The following EPB41L2 variants were observed in gnomAD, a reference collection of about 807,000 sequenced individuals.
EPB41L2 encodes the protein band 4.1-like protein 2.
Under a neutral mutation model 113.0 loss-of-function variants are expected in EPB41L2, and 43 were observed. That is an observed-to-expected ratio of 0.38 (90% CI 0.30 to 0.49). EPB41L2 has a LOEUF of 0.49. EPB41L2 is among the 20% of genes least tolerant of loss of function. The pLI, the probability that EPB41L2 is intolerant of heterozygous loss-of-function variation, is 0.95. For missense variants in EPB41L2, 1,147 were observed against 1,223.4 expected, an observed-to-expected ratio of 0.94 and a Z score of 0.93; for synonymous variants, 442 against 436.7, an observed-to-expected ratio of 1.01 and a Z score of -0.15.
chr6:130,862,565 T>C (rs1007279103), intron 18 of EPB41L2, among the ~76,000 whole-genome samples: 10 of 152,310 alleles, frequency 6.6e-5, no homozygotes, highest in Non-Finnish European at 1.5e-4. Context: ...AGCAGACAAG[T>C]GTACTAATGC....
rs77348286 is a variant in EPB41L2 at position 130,892,452 on chromosome 6, T to C, written c.1487+1892A>G. On this transcript the variant is annotated intron_variant, in intron 10 of 19. Transcript: ENST00000337057. The stretch of plus-strand genomic sequence containing the variant: ...TTATGTGACAGGGAAAGCTGTTGTC[T>C]GCCCAGCTTGGACCTGTGTCATAAA... Among the ~76,000 whole-genome samples, 625 of 140,858 alleles carry C rather than the reference T, an allele frequency of 4.4e-3. 40 individuals are homozygous for C. In the East Asian group the frequency reaches 0.1, roughly 23 times the overall value. The allele number at this position is 140,858 out of a possible 152,430, so 92.4% of individuals were successfully genotyped here.
At chr6:131,046,319 G>C (rs1795453106) in intron 1 of EPB41L2, among the ~76,000 whole-genome samples, 1 of 152,008 alleles carries the variant, frequency 6.6e-6, no homozygotes, top group African/African-American at 2.4e-5. Flanking sequence ...CAGGGTACCT[G>C]AACCACCTAA....
chr6:130,886,922 C>T (rs891815886), intron 11 of EPB41L2, among the ~76,000 whole-genome samples: 16 of 152,000 alleles, frequency 1.1e-4, no homozygotes, highest in African/African-American at 3.4e-4. Flanking sequence ...TGTGAGCCAC[C>T]GTGCCCAGCC....
chr6:130,926,541 A>T, intron 4 of EPB41L2, 64 bp downstream of exon 4: 1 of 1,185,948 alleles, frequency 8.4e-7, no homozygotes, highest in Non-Finnish European at 1.2e-6. Flanking sequence ...AAACTGAGAT[A>T]AACTGGTTAA....
chr6:131,002,822 T>C (rs1208191536), intron 1 of EPB41L2, among the ~76,000 whole-genome samples: 1 of 152,202 alleles, frequency 6.6e-6, no homozygotes, highest in East Asian at 1.9e-4. Flanking sequence ...CAGCTGTGTT[T>C]GGGTGGTCTC....
intron 14 of EPB41L2, among the ~76,000 whole-genome samples, chr6:130,873,850 A>C (rs545351657): frequency 6.6e-6 from 1 of 152,212 alleles, no homozygotes; most frequent in Non-Finnish European, 1.5e-5. Flanking sequence ...AGGAGCGCAG[A>C]AAGTGAGGTG....
intron 3 of EPB41L2, among the ~76,000 whole-genome samples, chr6:130,954,712 T>C (rs1304606833): frequency 6.6e-6 from 1 of 152,186 alleles, no homozygotes; most frequent in Non-Finnish European, 1.5e-5. Flanking sequence ...GTAAATAAAT[T>C]AGATGTTAAG....
At chr6:131,025,341 C>T (rs1388376759) in intron 1 of EPB41L2, among the ~76,000 whole-genome samples, 1 of 152,164 alleles carries the variant, frequency 6.6e-6, no homozygotes, top group East Asian at 1.9e-4. Context: ...AAACCAACAT[C>T]CTAAGGAACT....
intron 1 of EPB41L2, among the ~76,000 whole-genome samples, chr6:131,003,768 T>C (rs1194592528): frequency 1.3e-5 from 2 of 152,372 alleles, no homozygotes; most frequent in East Asian, 3.9e-4. Context: ...CCAGTAGTAC[T>C]TAAACATTTT....
At chr6:130,997,446 G>A (rs1470269300) in intron 1 of EPB41L2, among the ~76,000 whole-genome samples, 3 of 152,104 alleles carry the variant, frequency 2.0e-5, no homozygotes, top group Non-Finnish European at 4.4e-5. Context: ...CTAAGTGCAG[G>A]GGGGATCTAC....
chr6:131,026,976 C>A (rs762983069), intron 1 of EPB41L2, among the ~76,000 whole-genome samples: 1 of 152,132 alleles, frequency 6.6e-6, no homozygotes, highest in South Asian at 2.1e-4. Context: ...TGTTACTGGT[C>A]TAAAACTTAC....
At chr6:130,941,391 C>T (rs1810843290) in intron 3 of EPB41L2, among the ~76,000 whole-genome samples, 1 of 152,204 alleles carries the variant, frequency 6.6e-6, no homozygotes, top group Non-Finnish European at 1.5e-5. Context: ...TAGTATCGAA[C>T]TTCTAGCCAG....
intron 1 of EPB41L2, among the ~76,000 whole-genome samples, chr6:130,974,472 G>A (rs775016270): frequency 5.3e-5 from 8 of 152,102 alleles, no homozygotes; most frequent in Non-Finnish European, 7.3e-5. Flanking sequence ...CAGGAGACCT[G>A]TGAATCTCAT....
At chr6:130,982,472 T>A (rs1275418668) in intron 1 of EPB41L2, among the ~76,000 whole-genome samples, 1 of 152,178 alleles carries the variant, frequency 6.6e-6, no homozygotes, top group East Asian at 1.9e-4. Flanking sequence ...TTCTGTTACC[T>A]TTTTGACAGC....
At chr6:130,907,591 C>T (rs1278007367) in intron 5 of EPB41L2, among the ~76,000 whole-genome samples, 1 of 151,300 alleles carries the variant, frequency 6.6e-6, no homozygotes, top group Non-Finnish European at 1.5e-5. Context: ...TAATCAAAGA[C>T]GTTTTTAAAA....
At chr6:130,911,946 A>C (rs374898151) in intron 4 of EPB41L2, among the ~76,000 whole-genome samples, 3 of 152,140 alleles carry the variant, frequency 2.0e-5, no homozygotes, top group African/African-American at 7.2e-5. Flanking sequence ...GCCTATTAGG[A>C]ACTGGGCTGC....
intron 1 of EPB41L2, among the ~76,000 whole-genome samples, chr6:130,984,280 TAGA>T (rs1206912505): frequency 2.0e-5 from 3 of 152,202 alleles, no homozygotes; most frequent in Non-Finnish European, 4.4e-5. Context: ...TTTTTGTAAG[TAGA>T]AGAAGTATAC....
In EPB41L2 at chr6:130,873,469, T is replaced by TC. The variant is rs1195699340; in HGVS notation, c.2044-3344_2044-3343insG. Among the ~76,000 whole-genome samples, 92 of 151,402 alleles carry TC rather than the reference T, an allele frequency of 6.1e-4. 2 individuals carry two copies. The highest frequency in any genetic ancestry group is 2.1e-3 in the African/African-American group (86 of 41,302). On this transcript the variant is annotated intron_variant, in intron 14 of 19. Coordinates refer to ENST00000337057, the MANE Select transcript of EPB41L2 (RefSeq NM_001431.4). ...CCTAATAAACCCCACTATTCAGGTT[T>TC]TTTTTTTTTTTTGAGACGGAGTCTC... is the stretch of plus-strand genomic sequence containing the variant.
chr6:131,012,338 C>G (rs770167876), intron 1 of EPB41L2, among the ~76,000 whole-genome samples: 1 of 150,198 alleles, frequency 6.7e-6, no homozygotes, highest in East Asian at 1.9e-4. Flanking sequence ...TCAACCTCCG[C>G]ACTACCAACA....
Sources: gnomAD v4.1 joint callset for allele counts (sites outside exome capture counted in the v4.1 genomes callset) on GRCh38, gnomAD v4.1.1 for gene constraint, MANE v1.5 for transcripts, NCBI Gene and HGNC (gene_info 2026-07-23, HGNC 2026-07-21) for gene names.